STK36: variants seen among roughly 807,000 people sequenced by gnomAD.
STK36 encodes the protein serine/threonine kinase 36.
In STK36, 116 loss-of-function variants were observed where a neutral mutation model predicts 142.2. The ratio of observed to expected loss-of-function variants is 0.82; its 90% CI spans 0.70 to 0.95. The LOEUF (loss-of-function observed/expected upper bound fraction) is 0.95. Among genes scored for constraint, STK36 ranks in the 40% least tolerant of loss-of-function variants. The pLI is 0.00. For synonymous variants in STK36, 619 were observed against 641.7 expected (o/e 0.96, Z 0.53); for missense variants, 1,422 against 1,617.2 (o/e 0.88, Z 2.07).
rs369853631 is a variant in STK36 at position 218,696,561 on chromosome 2, A to G, written c.2546A>G (p.Tyr849Cys). ...RLTPPGSCGF[Y>C]DGLLILLLQL... The stretch of plus-strand genomic sequence containing the variant: ...ACTCCACCAGGTAGTTGTGGATTCT[A>G]TGATGGCCTCCTTATCCTTCTGTTG... Residue 849 changes from tyrosine (Y) to cysteine (C), a missense_variant, in exon 22 of 27, where the codon TAT becomes TGT. Coordinates refer to ENST00000295709, the MANE Select transcript of STK36 (RefSeq NM_015690.5). The G allele has an allele frequency of 6.2e-6, 10 of 1,614,010 alleles. No individual in the cohort carries two copies. The African/African-American group carries it at 6.7e-5, about 11-fold the overall frequency.
chr2:218,684,414 C>CTT (rs779556469), intron 10 of STK36, among the ~76,000 whole-genome samples: 4,529 of 49,214 alleles, frequency 0.092, 1,042 homozygotes, highest in Middle Eastern at 0.12. Flanking sequence ...TGCGCCTGGC[C>CTT]TTTTTTTTTT....
intron 10 of STK36, among the ~76,000 whole-genome samples, chr2:218,684,051 G>T (rs901433234): frequency 7.0e-6 from 1 of 141,858 alleles, no homozygotes; most frequent in Non-Finnish European, 1.5e-5. Context: ...CTCCTACCTC[G>T]ACCTCCCAAA....
chr2:218,676,060 G>C lies in STK36; in HGVS notation c.466G>C (p.Val156Leu). The C allele has an allele frequency of 6.2e-7, 1 of 1,614,046 alleles. No individual in the cohort carries two copies. Among genetic ancestry groups the C allele is most frequent in the South Asian group, 1.1e-5 (1 of 91,060 alleles). ...FARAMSTNTM[V>L]LTSIKGTPLY... ...CCGGGCTATGAGCACCAATACAATG[G>C]TGCTGACATCCATCAAAGGCACACC... The change falls in exon 6 of 27, where the codon GTG (valine) becomes CTG (leucine). Residue 156 changes from valine (V) to leucine (L), a missense_variant. By Grantham distance (32) the Val-to-Leu change is conservative. Coordinates refer to ENST00000295709, the MANE Select transcript of STK36 (RefSeq NM_015690.5).
In STK36 at chr2:218,697,138, T is replaced by C; in HGVS notation, c.2686T>C (p.Ser896Pro). The part of the protein sequence containing the change: ...SMVLRLPEEA[S>P]AQEGELSLSS... ...GGTCCTGAGGCTCCCCGAGGAGGCA[T>C]CTGCACAGGAAGGGGAGCTTTCGCT... The change falls in exon 23 of 27, where the codon TCT (serine) becomes CCT (proline). Residue 896 changes from serine (S) to proline (P), a missense_variant. Ser to Pro is a moderately conservative substitution (Grantham distance 74, BLOSUM62 -1). Around this residue, in one of 2 missense-constraint regions of STK36, gnomAD observed 962 missense variants for 1,167.5 expected, o/e 0.82. Coordinates refer to ENST00000295709, the MANE Select transcript of STK36 (RefSeq NM_015690.5). The C allele has an allele frequency of 1.9e-6, 3 of 1,614,156 alleles. No homozygotes were observed. The highest frequency in any genetic ancestry group is 2.5e-6 in the Non-Finnish European group (3 of 1,180,026).
rs775998419 is a variant in STK36, at chr2:218,697,142, C to T, written c.2690C>T (p.Ala897Val). 2 of 1,614,192 alleles carry T rather than the reference C, an allele frequency of 1.2e-6. No individual in the cohort carries two copies. Among genetic ancestry groups the T allele is most frequent in the South Asian group, 2.2e-5 (2 of 91,088 alleles). ...CTGAGGCTCCCCGAGGAGGCATCTGCACAGGAAGGGGAGCTTTCGCTATCC... is the reference window on the plus strand; with the variant it reads ...CTGAGGCTCCCCGAGGAGGCATCTGTACAGGAAGGGGAGCTTTCGCTATCC... ...MVLRLPEEAS[A>V]QEGELSLSSP... is the part of the protein sequence containing the mutation. The change falls in exon 23 of 27, where the codon GCA (alanine) becomes GTA (valine). Residue 897 changes from alanine (A) to valine (V), a missense_variant. By Grantham distance (64) the Ala-to-Val change is moderately conservative. Coordinates refer to ENST00000295709, the MANE Select transcript of STK36 (RefSeq NM_015690.5).
chr2:218,676,176 A>T lies in STK36; in HGVS notation c.582A>T (p.Ala194=). ...TTGGCTGCATACTATATGAACTGGC[A>T]GTAGGCACCCCTCCCTTCTATGCTA... ...WSVGCILYEL[A]VGTPPFYATS... Residue 194 remains alanine, a synonymous_variant, in exon 6 of 27, where the codon GCA becomes GCT. Transcript: ENST00000295709. 1 of 1,614,220 alleles carries T rather than the reference A, an allele frequency of 6.2e-7. No individual in the cohort carries two copies.
chr2:218,702,188 C>T lies in STK36; in HGVS notation c.*179C>T, dbSNP rs1341603320. The T allele has an allele frequency of 1.4e-6, 1 of 738,770 alleles. No individual in the cohort carries two copies. Among genetic ancestry groups the T allele is most frequent in the African/African-American group, 1.8e-5 (1 of 55,792 alleles). The allele number at this position is 738,770 out of a possible 1,614,324, so 45.8% of individuals were successfully genotyped here. A position where few individuals can be genotyped will look rare whatever the true frequency, so the allele number is the denominator to read the frequency against. ...TAAAGCTTCTTCCTTCTCCCAGATGCAGGATGTTTTCAACCAGTAAATTTT... is the reference window on the plus strand; with the variant it reads ...TAAAGCTTCTTCCTTCTCCCAGATGTAGGATGTTTTCAACCAGTAAATTTT... On this transcript the variant is annotated 3_prime_UTR_variant, in exon 27 of 27. Coordinates refer to ENST00000295709, the MANE Select transcript of STK36 (RefSeq NM_015690.5).
chr2:218,684,709 C>T lies in STK36; in HGVS notation c.1237-376C>T, dbSNP rs116572052. On this transcript the variant is annotated intron_variant, in intron 10 of 26. Transcript: ENST00000295709. ...GTGGTGGGATTACAGGTGTGAGCCA[C>T]GCACCCGGCATTCACAATCTTTTTA... 489 of 162,236 alleles carry T rather than the reference C, an allele frequency of 3.0e-3. 1 individual carries two copies. The highest frequency in any genetic ancestry group is 0.011 in the African/African-American group (467 of 41,854). 10.0% of individuals were successfully genotyped at this position (162,236 alleles called of 1,614,324 possible).
rs749964819 is a variant in STK36 at position 218,672,856 on chromosome 2, GAT to G, written c.28_29del (p.Ile10TrpfsTer43). On this transcript the variant is annotated frameshift_variant, in exon 2 of 27. Coordinates refer to ENST00000295709, the MANE Select transcript of STK36 (RefSeq NM_015690.5). LOFTEE classifies it high-confidence loss of function. MEKYHVLEM[I>X]GEGSFGRVYK... ...TGGAAAAGTACCACGTGTTGGAGAT[GAT>G]TGGAGAAGGCTCTTTTGGGAGGGTG... 1.9e-6 allele frequency: 3 copies of G among 1,614,110 alleles called. No individual in the cohort carries two copies. The highest frequency in any genetic ancestry group is 1.6e-4 in the Middle Eastern group (1 of 6,062).
In STK36 at chr2:218,698,904, C is replaced by T. The variant is rs759808019; in HGVS notation, c.3360C>T (p.His1120=). Residue 1120 remains histidine, a synonymous_variant, in exon 26 of 27, where the codon CAC becomes CAT. Coordinates refer to ENST00000295709, the MANE Select transcript of STK36 (RefSeq NM_015690.5). ...GGCCCCTGCGCAGCCTCCTGGGCCACCCAGAGAATTCTGTGCGGGCACACA... is the reference window on the plus strand; with the variant it reads ...GGCCCCTGCGCAGCCTCCTGGGCCATCCAGAGAATTCTGTGCGGGCACACA... The part of the protein sequence containing the change: ...SYRPLRSLLG[H]PENSVRAHTY... 1 of 1,614,196 alleles carries T rather than the reference C, an allele frequency of 6.2e-7. No homozygotes were observed. The highest frequency in any genetic ancestry group is 1.7e-5 in the Admixed American group (1 of 60,018).
intron 11 of STK36, among the ~76,000 whole-genome samples, chr2:218,687,087 G>C (rs896331718): frequency 2.0e-5 from 3 of 152,106 alleles, no homozygotes; most frequent in African/African-American, 7.2e-5. Flanking sequence ...CAAATCTTCT[G>C]CTCAGTTTTT....
At position 218,679,618 on chromosome 2, in the gene STK36, A is replaced by C. The variant is rs1471935269; in HGVS notation, c.837A>C (p.Pro279=). Reference sequence around the variant, plus strand: ...CCCCATTCACCAGCCGCCTACCCCCAGAACTTCAGGTCCTAAAGGACGAAC... The same window carrying C: ...CCCCATTCACCAGCCGCCTACCCCCCGAACTTCAGGTCCTAAAGGACGAAC... ...LGTPFTSRLP[P]ELQVLKDEQA... is the part of the protein sequence containing the mutation. Residue 279 remains proline, a synonymous_variant, in exon 8 of 27, where the codon CCA becomes CCC. Coordinates refer to ENST00000295709, the MANE Select transcript of STK36 (RefSeq NM_015690.5). The C allele has an allele frequency of 8.7e-6, 14 of 1,614,156 alleles. No individual in the cohort carries two copies. Among genetic ancestry groups the C allele is most frequent in the Non-Finnish European group, 1.1e-5 (13 of 1,180,024 alleles).
At chr2:218,683,318 G>T (rs536430756) in intron 10 of STK36, among the ~76,000 whole-genome samples, 1 of 150,290 alleles carries the variant, frequency 6.7e-6, no homozygotes, top group African/African-American at 2.4e-5. Flanking sequence ...TCTGTTGCCT[G>T]GGCTGGAGTG....
At position 218,685,017 on chromosome 2, in the gene STK36, A is replaced by G. The variant is rs375998637; in HGVS notation, c.1237-68A>G. On this transcript the variant is annotated intron_variant, in intron 10 of 26. Coordinates refer to ENST00000295709, the MANE Select transcript of STK36 (RefSeq NM_015690.5). ...TACTTCATGATTCCCCATGGTTTCTACTGGTTGGGATCTACTACCTTAGAC... is the reference window on the plus strand; with the variant it reads ...TACTTCATGATTCCCCATGGTTTCTGCTGGTTGGGATCTACTACCTTAGAC... The G allele has an allele frequency of 2.5e-6, 4 of 1,586,516 alleles. No homozygotes were observed. In the African/African-American group the frequency reaches 4.0e-5, roughly 16 times the overall value.
At position 218,675,950 on chromosome 2, in the gene STK36, G is replaced by C. The variant is rs1940222210; in HGVS notation, c.435-79G>C. Reference sequence around the variant, plus strand: ...AGGTGCTCCCTCTGCTCCGGTTTGGGATATCTCTATGTTAGGTAGTAGTGA... The same window carrying C: ...AGGTGCTCCCTCTGCTCCGGTTTGGCATATCTCTATGTTAGGTAGTAGTGA... On this transcript the variant is annotated intron_variant, in intron 5 of 26. Transcript: ENST00000295709. 24 of 1,565,174 alleles carry C rather than the reference G, an allele frequency of 1.5e-5. No individual in the cohort carries two copies. The South Asian group carries it at 2.6e-4, about 17-fold the overall frequency.
intron 22 of STK36, 118 bp from the exon 23 acceptor site, chr2:218,696,921 G>A (rs1489616465): frequency 2.9e-6 from 4 of 1,402,526 alleles, no homozygotes; most frequent in Non-Finnish European, 4.0e-6. Flanking sequence ...AGGTGGGAAA[G>A]CGGAAGGAAT....
chr2:218,689,863 C>T lies in STK36; in HGVS notation c.1565C>T (p.Ser522Phe). ...SQESNSLQQQ[S>F]WYGTFLQDLM... ...TCTTCTCCTTTTCCTGGGCAGCAAT[C>T]TTGGTATGGGACCTTCTTACAGGAC... Residue 522 changes from serine (S) to phenylalanine (F), a missense_variant, in exon 13 of 27, where the codon TCT (serine) becomes TTT (phenylalanine). Transcript: ENST00000295709. The T allele has an allele frequency of 6.2e-7, 1 of 1,609,460 alleles. No homozygotes were observed. Among genetic ancestry groups the T allele is most frequent in the East Asian group, 2.2e-5 (1 of 44,840 alleles).
At chr2:218,699,462 G>A in intron 26 of STK36, 114 bp downstream of exon 26, 1 of 1,446,148 alleles carries the variant, frequency 6.9e-7, no homozygotes, top group African/African-American at 1.4e-5. Flanking sequence ...CTTATGCCGT[G>A]TTTCTCCCAG....
At chr2:218,674,069 A>C in intron 4 of STK36, 113 bp downstream of exon 4, 1 of 1,046,044 alleles carries the variant, frequency 9.6e-7, no homozygotes, top group Non-Finnish European at 1.4e-6. Context: ...TCTGAGAAGA[A>C]TATAAGAGTC....
Sources: gnomAD v4.1 joint callset for allele counts (sites outside exome capture counted in the v4.1 genomes callset) on GRCh38, gnomAD v4.1.1 for gene constraint, gnomAD v4.1.1 regional missense constraint, MANE v1.5 for transcripts, NCBI Gene and HGNC (gene_info 2026-07-23, HGNC 2026-07-21) for gene names.